Variants in MYADML2 observed in about 807,000 individuals in gnomAD.
MYADML2 encodes the protein myeloid-associated differentiation marker-like protein 2.
In MYADML2, 17 loss-of-function variants were observed where a neutral mutation model predicts 16.0. That is an observed-to-expected ratio of 1.06 (90% CI 0.73 to 1.60). The LOEUF is 1.60. MYADML2 is among the 40% of genes most tolerant of loss of function. The pLI is 0.00. For synonymous variants in MYADML2, 210 were observed against 208.1 expected, an observed-to-expected ratio of 1.01 and a Z score of -0.08; for missense variants, 422 against 437.7, an observed-to-expected ratio of 0.96 and a Z score of 0.32.
chr17:81,941,511 G>A lies in MYADML2; in HGVS notation c.231C>T (p.His77=), dbSNP rs754307418. 40 of 1,547,818 alleles carry A rather than the reference G, an allele frequency of 2.6e-5. 1 individual carries two copies. In the African/African-American group the frequency reaches 2.7e-4, roughly 11 times the overall value. The change falls in exon 3 of 3, where the codon CAC becomes CAT. Residue 77 remains histidine, a synonymous_variant. Transcript: ENST00000409745. ...LVVACEFTRL[H]GCLRLSWGNF... ...TGCCCCAGGAGAGCCGCAGGCAGCC[G>A]TGGAGCCGTGTGAACTCACAGGCCA...
intron 2 of MYADML2, 97 bp from the exon 3 acceptor site, chr17:81,941,940 A>C: frequency 1.9e-6 from 1 of 528,998 alleles, no homozygotes; most frequent in Non-Finnish European, 3.3e-6. Context: ...GACAGCCGTG[A>C]TCAGAGCCCC....
chr17:81,940,594 G>A lies in MYADML2; in HGVS notation c.*224C>T. 1.9e-6 allele frequency: 1 copy of A among 534,322 alleles called. No homozygotes were observed. The highest frequency in any genetic ancestry group is 3.1e-5 in the South Asian group (1 of 32,342). The allele number at this position is 534,322 out of a possible 1,614,324, so 33.1% of individuals were successfully genotyped here. A position where few individuals can be genotyped will look rare whatever the true frequency, so the allele number is the denominator to read the frequency against. The stretch of plus-strand genomic sequence containing the variant: ...TGAGTTGGGGATTGGCCTAGGTGAG[G>A]CTCTCCCCTGCGTCTGCTCAGGGCC... On this transcript the variant is annotated 3_prime_UTR_variant, in exon 3 of 3. Coordinates refer to ENST00000409745, the MANE Select transcript of MYADML2 (RefSeq NM_001145113.3).
At position 81,941,596 on chromosome 17, in the gene MYADML2, A is replaced by T. The variant is rs1371799030; in HGVS notation, c.146T>A (p.Val49Asp). ...GGCGGCCATGCAGAAGGTGCCCTGGACGCCCGCAAAGCCACCCCGGTGGGC... is the reference window on the plus strand; with the variant it reads ...GGCGGCCATGCAGAAGGTGCCCTGGTCGCCCGCAAAGCCACCCCGGTGGGC... ...LVAHRGGFAGVQGTFCMAAWG... is the reference protein window; with the variant it reads ...LVAHRGGFAGDQGTFCMAAWG... The change falls in exon 3 of 3, where the codon GTC (valine) becomes GAC (aspartate). Residue 49 changes from valine (V) to aspartate (D), a missense_variant. Coordinates refer to ENST00000409745, the MANE Select transcript of MYADML2 (RefSeq NM_001145113.3). 1.9e-6 allele frequency: 3 copies of T among 1,548,578 alleles called. No homozygotes were observed. Among genetic ancestry groups the T allele is most frequent in the Non-Finnish European group, 1.7e-6 (2 of 1,146,824 alleles).
In MYADML2 at chr17:81,941,450, G is replaced by A; in HGVS notation, c.292C>T (p.Leu98=). Residue 98 remains leucine (L), a synonymous_variant, in exon 3 of 3, where the codon CTA becomes TTA. Transcript: ENST00000409745. ...TACAGGACCGCAGCCGTCGCGCATA[G>A]CAGGGTGGCCAGCATGGCGAAGGCG... is the stretch of plus-strand genomic sequence containing the variant. ...TAAFAMLATL[L]CATAAVLYPL... is the part of the protein sequence containing the mutation. The A allele has an allele frequency of 6.5e-7, 1 of 1,549,448 alleles. No homozygotes were observed.
chr17:81,941,372 C>T lies in MYADML2; in HGVS notation c.370G>A (p.Ala124Thr), dbSNP rs764334464. The change falls in exon 3 of 3, where the codon GCC becomes ACC. Residue 124 changes from alanine to threonine, a missense_variant. Coordinates refer to ENST00000409745, the MANE Select transcript of MYADML2 (RefSeq NM_001145113.3). Reference sequence around the variant, plus strand: ...CTGGCTGCCAGGCGGAAGTCCCTGGCAGCACAGCCGGCGGGCTCGGGGGAA... The same window carrying T: ...CTGGCTGCCAGGCGGAAGTCCCTGGTAGCACAGCCGGCGGGCTCGGGGGAA... The part of the protein sequence containing the change: ...ECSPEPAGCA[A>T]RDFRLAASVF... 1 of 1,548,824 alleles carries T rather than the reference C, an allele frequency of 6.5e-7. No individual in the cohort carries two copies. The highest frequency in any genetic ancestry group is 8.7e-7 in the Non-Finnish European group (1 of 1,146,314).
At position 81,941,842 on chromosome 17, in the gene MYADML2, G is replaced by A; in HGVS notation, c.-101C>T. 8.5e-7 allele frequency: 1 copy of A among 1,170,116 alleles called. No individual in the cohort carries two copies. The highest frequency in any genetic ancestry group is 1.2e-6 in the Non-Finnish European group (1 of 848,938). The allele number at this position is 1,170,116 out of a possible 1,614,324, so 72.5% of individuals were successfully genotyped here. On this transcript the variant is annotated splice_region_variant and 5_prime_UTR_variant, in exon 3 of 3. Coordinates refer to ENST00000409745, the MANE Select transcript of MYADML2 (RefSeq NM_001145113.3). ...TCTGCGGTAGTGGCAGGTGCCTGCA[G>A]CCTGCAGAGGCAGTGACGACGGTGA...
chr17:81,947,019 G>C (rs1436984591), intron 1 of MYADML2, 40 bp downstream of exon 1: 5 of 151,922 alleles, frequency 3.3e-5, no homozygotes, highest in Non-Finnish European at 7.4e-5. Context: ...AATTTAAAAA[G>C]CAATACTATG....
In MYADML2 at chr17:81,941,433, C is replaced by A. The variant is rs965951800; in HGVS notation, c.309G>T (p.Ala103=). ...MLATLLCATA[A]VLYPLYFARR... ...GGGCAAAGTACAGCGGATACAGGAC[C>A]GCAGCCGTCGCGCATAGCAGGGTGG... is the stretch of plus-strand genomic sequence containing the variant. The change falls in exon 3 of 3, where the codon GCG becomes GCT. Residue 103 remains alanine, a synonymous_variant. Transcript: ENST00000409745. 6.5e-7 allele frequency: 1 copy of A among 1,549,370 alleles called. No individual in the cohort carries two copies. The highest frequency in any genetic ancestry group is 1.7e-4 in the Middle Eastern group (1 of 5,962).
rs553216113 is a variant in MYADML2 at position 81,940,739 on chromosome 17, C to G, written c.*79G>C. The G allele has an allele frequency of 6.3e-6, 9 of 1,420,880 alleles. No individual in the cohort carries two copies. The highest frequency in any genetic ancestry group is 8.4e-6 in the Non-Finnish European group (9 of 1,069,576). The allele number at this position is 1,420,880 out of a possible 1,614,324, so 88.0% of individuals were successfully genotyped here. A position where few individuals can be genotyped will look rare whatever the true frequency, so the allele number is the denominator to read the frequency against. On this transcript the variant is annotated 3_prime_UTR_variant, in exon 3 of 3. Transcript: ENST00000409745. The stretch of plus-strand genomic sequence containing the variant: ...CTTCCCTCCTGCTCGCTACTTGACA[C>G]TTTGGTTCACCTGAGTTTCCCTCGC...
chr17:81,940,690 A>T lies in MYADML2; in HGVS notation c.*128T>A. ...GTCGGGGAGTGACCTCTCCCGTTGT[A>T]CTTCATCTCCCCTGAGCCCGCGGCT... On this transcript the variant is annotated 3_prime_UTR_variant, in exon 3 of 3. Coordinates refer to ENST00000409745, the MANE Select transcript of MYADML2 (RefSeq NM_001145113.3). 1 of 1,033,112 alleles carries T rather than the reference A, an allele frequency of 9.7e-7. No individual in the cohort carries two copies. Among genetic ancestry groups the T allele is most frequent in the Non-Finnish European group, 1.4e-6 (1 of 727,330 alleles). 64.0% of individuals were successfully genotyped at this position (1,033,112 alleles called of 1,614,324 possible).
Position 81,941,189 on chromosome 17 carries a change from C to A in MYADML2, c.553G>T (p.Asp185Tyr). 6.5e-7 allele frequency: 1 copy of A among 1,550,196 alleles called. No homozygotes were observed. The highest frequency in any genetic ancestry group is 1.2e-5 in the South Asian group (1 of 84,054). Reference protein sequence around the residue: ...ACIIFGALVHDSRYGRYVATQ... With the variant: ...ACIIFGALVHYSRYGRYVATQ... Reference sequence around the variant, plus strand: ...GCCACGTAGCGCCCGTAGCGGCTGTCATGGACCAGCGCCCCGAAGATGATG... The same window carrying A: ...GCCACGTAGCGCCCGTAGCGGCTGTAATGGACCAGCGCCCCGAAGATGATG... The change falls in exon 3 of 3, where the codon GAC becomes TAC. Residue 185 changes from aspartate to tyrosine, a missense_variant. Asp to Tyr is a radical substitution (Grantham distance 160). Coordinates refer to ENST00000409745, the MANE Select transcript of MYADML2 (RefSeq NM_001145113.3).
intron 2 of MYADML2, 113 bp from the exon 3 acceptor site, chr17:81,941,956 AGCAGCTT>A: frequency 4.0e-6 from 2 of 500,248 alleles, no homozygotes; most frequent in Non-Finnish European, 7.0e-6. Context: ...GCCCCGGAAT[AGCAGCTT>A]GCGTGCCTGT....
At position 81,940,725 on chromosome 17, in the gene MYADML2, C is replaced by T. The variant is rs532664061; in HGVS notation, c.*93G>A. 2.1e-4 allele frequency: 284 copies of T among 1,366,156 alleles called. 1 individual carries two copies. In the African/African-American group the frequency reaches 3.9e-3, roughly 19 times the overall value. The allele number at this position is 1,366,156 out of a possible 1,614,324, so 84.6% of individuals were successfully genotyped here. On this transcript the variant is annotated 3_prime_UTR_variant, in exon 3 of 3. Coordinates refer to ENST00000409745, the MANE Select transcript of MYADML2 (RefSeq NM_001145113.3). ...CCCTGAGCCCGCGGCTTCCCTCCTG[C>T]TCGCTACTTGACACTTTGGTTCACC... is the stretch of plus-strand genomic sequence containing the variant.
At chr17:81,946,103 C>G (rs533620959) in intron 1 of MYADML2, among the ~76,000 whole-genome samples, 1 of 152,132 alleles carries the variant, frequency 6.6e-6, no homozygotes. Context: ...GCCTGTAATC[C>G]CAGCACGTTG....
At position 81,941,545 on chromosome 17, in the gene MYADML2, G is replaced by A. The variant is rs916334615; in HGVS notation, c.197C>T (p.Ala66Val). ...AAWGFCFAVSALVVACEFTRL... is the reference protein window; with the variant it reads ...AAWGFCFAVSVLVVACEFTRL... ...TGTGAACTCACAGGCCACCACCAGC[G>A]CAGAGACGGCGAAGCAGAAGCCCCA... Residue 66 changes from alanine to valine, a missense_variant, in exon 3 of 3, where the codon GCG (alanine) becomes GTG (valine). Coordinates refer to ENST00000409745, the MANE Select transcript of MYADML2 (RefSeq NM_001145113.3). 1.7e-5 allele frequency: 27 copies of A among 1,548,114 alleles called. No individual in the cohort carries two copies. In the Admixed American group the frequency reaches 3.1e-4, roughly 18 times the overall value.
chr17:81,943,973 G>GGGCA, intron 1 of MYADML2, among the ~76,000 whole-genome samples: 1 of 151,794 alleles, frequency 6.6e-6, no homozygotes, highest in Middle Eastern at 3.4e-3. Context: ...TTAGCCAGGT[G>GGGCA]TGGTGGCACG....
At position 81,942,370 on chromosome 17, in the gene MYADML2, G is replaced by C. The variant is rs2041313389; in HGVS notation, c.-177C>G. On this transcript the variant is annotated 5_prime_UTR_variant, in exon 2 of 3. Transcript: ENST00000409745. This position sits in a 1 kb window ranked among gnomAD's most constrained non-coding sequence, Gnocchi z 4.4. ...TGCTGTCATTGCCTGGGGTTCACAG[G>C]GTTCTGCTGCGGCCAGAGGAGCAGA... The C allele has an allele frequency of 6.6e-6, 1 of 152,358 alleles. No individual in the cohort carries two copies. The highest frequency in any genetic ancestry group is 1.5e-5 in the Non-Finnish European group (1 of 68,154). The allele number at this position is 152,358 out of a possible 1,614,324, so 9.4% of individuals were successfully genotyped here.
Position 81,941,546 on chromosome 17 carries a change from CAG to C in MYADML2, c.194_195del (p.Ser65CysfsTer7), listed in dbSNP as rs1231618185. 1 of 1,548,360 alleles carries C rather than the reference CAG, an allele frequency of 6.5e-7. No homozygotes were observed. Among genetic ancestry groups the C allele is most frequent in the African/African-American group, 1.4e-5 (1 of 73,178 alleles). The stretch of plus-strand genomic sequence containing the variant: ...GTGAACTCACAGGCCACCACCAGCG[CAG>C]AGACGGCGAAGCAGAAGCCCCAGGC... The part of the protein sequence containing the change: ...MAAWGFCFAV[S>X]ALVVACEFTR... On this transcript the variant is annotated frameshift_variant, in exon 3 of 3. Transcript: ENST00000409745. LOFTEE classifies it high-confidence loss of function.
At position 81,944,681 on chromosome 17, in the gene MYADML2, G is replaced by T. The variant is rs940907470; in HGVS notation, c.-180-2308C>A. Among the ~76,000 whole-genome samples the T allele has an allele frequency of 4.6e-5, 7 of 152,136 alleles. No homozygotes were observed. The South Asian group carries it at 6.2e-4, about 14-fold the overall frequency. On this transcript the variant is annotated intron_variant, in intron 1 of 2. Transcript: ENST00000409745. ...GTGGGCTCCTGGACAGCCTTGGGGT[G>T]GGGGGTTGGTGGCAGCTACTATGTG...
Sources: gnomAD v4.1 joint callset for allele counts (sites outside exome capture counted in the v4.1 genomes callset) on GRCh38, gnomAD v4.1.1 for gene constraint, Gnocchi (gnomAD v3.1) non-coding constraint, MANE v1.5 for transcripts, NCBI Gene and HGNC (gene_info 2026-07-23, HGNC 2026-07-21) for gene names.